The following PEX5L variants were observed in gnomAD, a reference collection of about 807,000 sequenced individuals.
PEX5L encodes the protein peroxisomal biogenesis factor 5 like.
Under a neutral mutation model 84.0 loss-of-function variants are expected in PEX5L, and 30 were observed. The observed-to-expected ratio is 0.36, with a 90% CI of 0.27 to 0.48. The LOEUF is 0.48. Among genes scored for constraint, PEX5L ranks in the 20% least tolerant of loss-of-function variants. PEX5L has a pLI of 0.99. For missense variants in PEX5L, 533 were observed against 754.6 expected (o/e 0.71, Z 3.44); for synonymous variants, 270 against 283.1 (o/e 0.95, Z 0.46).
intron 2 of PEX5L, 84 bp downstream of exon 2, chr3:179,971,510 C>T: frequency 1.4e-6 from 2 of 1,449,660 alleles, no homozygotes; most frequent in Non-Finnish European, 1.8e-6. Flanking sequence ...ATACAGCTGC[C>T]AGAGAAGGGC....
intron 9 of PEX5L, 129 bp downstream of exon 9, chr3:179,819,731 G>T: frequency 1.2e-6 from 1 of 825,936 alleles, no homozygotes; most frequent in Non-Finnish European, 2.0e-6. Flanking sequence ...TTTCTTCTAG[G>T]TCAGATTGAC....
intron 1 of PEX5L, among the ~76,000 whole-genome samples, chr3:179,981,864 T>C (rs1316538479): frequency 6.6e-6 from 1 of 152,158 alleles, no homozygotes; most frequent in Non-Finnish European, 1.5e-5. Context: ...TTCAGTGCTG[T>C]AGAGCATCTA....
chr3:180,015,588 G>A (rs1397887460), intron 1 of PEX5L, among the ~76,000 whole-genome samples: 3 of 151,994 alleles, frequency 2.0e-5, no homozygotes, highest in Non-Finnish European at 4.4e-5. Flanking sequence ...TCTAATTATA[G>A]TGAATTGTTC....
chr3:180,003,664 T>A (rs1012823239), intron 1 of PEX5L, among the ~76,000 whole-genome samples: 1 of 152,150 alleles, frequency 6.6e-6, no homozygotes, highest in Non-Finnish European at 1.5e-5. Context: ...CGTTCTTCAA[T>A]TTGGAAAATA....
chr3:179,884,016 A>G (rs1183794208), intron 4 of PEX5L, among the ~76,000 whole-genome samples: 1 of 152,246 alleles, frequency 6.6e-6, no homozygotes, highest in East Asian at 1.9e-4. Context: ...TTGAAAATAT[A>G]CAATATGGTA....
chr3:179,835,857 G>C (rs1464854791), intron 8 of PEX5L, among the ~76,000 whole-genome samples: 1 of 152,152 alleles, frequency 6.6e-6, no homozygotes, highest in Non-Finnish European at 1.5e-5. Flanking sequence ...GGTGTTAGGA[G>C]AGTATTTTAG....
chr3:180,027,003 T>C (rs1481799995), intron 1 of PEX5L, among the ~76,000 whole-genome samples: 1 of 152,172 alleles, frequency 6.6e-6, no homozygotes, highest in Non-Finnish European at 1.5e-5. Flanking sequence ...CAATCAGCCG[T>C]ATCTGCCCTC....
At chr3:179,953,931 G>A (rs1779782782) in intron 2 of PEX5L, among the ~76,000 whole-genome samples, 1 of 152,176 alleles carries the variant, frequency 6.6e-6, no homozygotes, top group South Asian at 2.1e-4. Context: ...GAAGCTAAAA[G>A]TTAGCAAGGT....
chr3:179,941,741 G>C (rs1348649630), intron 2 of PEX5L, among the ~76,000 whole-genome samples: 1 of 152,118 alleles, frequency 6.6e-6, no homozygotes, highest in Non-Finnish European at 1.5e-5. Flanking sequence ...GAGATTATTT[G>C]GCCAGGCCCA....
intron 1 of PEX5L, among the ~76,000 whole-genome samples, chr3:179,989,600 G>A (rs1480332428): frequency 1.3e-5 from 2 of 151,960 alleles, no homozygotes; most frequent in African/African-American, 4.8e-5. Flanking sequence ...TCAATGTAAT[G>A]ATATAAAGCA....
chr3:179,830,643 G>T (rs554880139), intron 8 of PEX5L, among the ~76,000 whole-genome samples: 3 of 152,252 alleles, frequency 2.0e-5, no homozygotes, highest in Non-Finnish European at 2.9e-5. Flanking sequence ...TATTTTCCTG[G>T]TGTATTGATT....
chr3:179,859,214 A>G, intron 7 of PEX5L, 57 bp from the exon 8 acceptor site: 1 of 1,271,550 alleles, frequency 7.9e-7, no homozygotes, highest in Non-Finnish European at 1.1e-6. Context: ...TATTATAGAA[A>G]TATACAGGTG....
chr3:179,816,646 T>G (rs1726226363), intron 9 of PEX5L, among the ~76,000 whole-genome samples: 2 of 152,176 alleles, frequency 1.3e-5, no homozygotes. Context: ...AGATGATGGG[T>G]TGATGGCTGC....
chr3:179,805,115 C>CA (rs1164089962), intron 14 of PEX5L, among the ~76,000 whole-genome samples: 61 of 120,266 alleles, frequency 5.1e-4, no homozygotes, highest in South Asian at 2.6e-3. Context: ...GCCTCCATCT[C>CA]AAAAAAAAAA....
At chr3:179,840,440 C>A (rs368382015) in intron 8 of PEX5L, among the ~76,000 whole-genome samples, 1 of 151,152 alleles carries the variant, frequency 6.6e-6, no homozygotes, top group South Asian at 2.1e-4. Context: ...CCACTCACCT[C>A]GGCCTCCCAA....
chr3:179,845,099 C>T (rs898966157), intron 8 of PEX5L, among the ~76,000 whole-genome samples: 7 of 152,166 alleles, frequency 4.6e-5, no homozygotes, highest in Non-Finnish European at 1.0e-4. Context: ...TTTGCATAGC[C>T]ACTTCATCGA....
intron 2 of PEX5L, among the ~76,000 whole-genome samples, chr3:179,911,140 C>T (rs898540653): frequency 1.2e-4 from 19 of 152,126 alleles, no homozygotes; most frequent in Non-Finnish European, 2.8e-4. Flanking sequence ...ATCTATATTC[C>T]ATATTTCTGT....
chr3:179,853,693 G>T (rs1742817185), intron 8 of PEX5L, among the ~76,000 whole-genome samples: 1 of 152,118 alleles, frequency 6.6e-6, no homozygotes, highest in African/African-American at 2.4e-5. Flanking sequence ...CCCAGAATGG[G>T]AGTATCTATC....
intron 9 of PEX5L, 80 bp downstream of exon 9, chr3:179,819,780 T>C (rs899524372): frequency 4.3e-6 from 5 of 1,171,398 alleles, no homozygotes; most frequent in South Asian, 4.0e-5. Flanking sequence ...TTTGACAGAA[T>C]AGCTATTGAC....
Sources: gnomAD v4.1 joint callset for allele counts (sites outside exome capture counted in the v4.1 genomes callset) on GRCh38, gnomAD v4.1.1 for gene constraint, MANE v1.5 for transcripts, NCBI Gene and HGNC (gene_info 2026-07-23, HGNC 2026-07-21) for gene names.